DAB1: variants seen among roughly 807,000 people sequenced by gnomAD.
DAB1 encodes disabled homolog 1.
In DAB1, 15 loss-of-function variants were observed where a neutral mutation model predicts 64.6. The ratio of observed to expected loss-of-function variants is 0.23; its 90% confidence interval spans 0.16 to 0.36. The LOEUF (loss-of-function observed/expected upper bound fraction) is 0.36, where lower values mean the gene tolerates loss of function less well. Ranked by LOEUF, DAB1 falls within the 10% of genes least tolerant of loss-of-function variation. The pLI, the probability that DAB1 is intolerant of heterozygous loss-of-function variation, is 1.00. For synonymous variants in DAB1, 235 were observed against 251.9 expected (o/e 0.93, Z 0.64); for missense variants, 596 against 706.7 (o/e 0.84, Z 1.78).
chr1:58,069,271 C>T (rs1649074759), intron 5 of DAB1, among the ~76,000 whole-genome samples: 1 of 152,118 alleles, frequency 6.6e-6, no homozygotes, highest in Non-Finnish European at 1.5e-5. Context: ...AGGTGCTCAC[C>T]AAACTTACCC....
intron 5 of DAB1, among the ~76,000 whole-genome samples, chr1:58,067,813 T>C (rs974546311): frequency 2.0e-5 from 3 of 152,188 alleles, no homozygotes; most frequent in Non-Finnish European, 2.9e-5. Flanking sequence ...TGGGGGGTAA[T>C]GAGTGTTCCA....
chr1:58,307,388 G>A (rs1053900965), intron 4 of DAB1, among the ~76,000 whole-genome samples: 2 of 152,108 alleles, frequency 1.3e-5, no homozygotes, highest in Non-Finnish European at 2.9e-5. Context: ...GAGAGAGGTC[G>A]ACAGACATAG....
At chr1:58,407,938 A>C (rs2100569431) in intron 3 of DAB1, among the ~76,000 whole-genome samples, 1 of 152,216 alleles carries the variant, frequency 6.6e-6, no homozygotes, top group South Asian at 2.1e-4. Flanking sequence ...CCTGACTTGC[A>C]CTGGCTTCTT....
At chr1:58,393,287 G>C (rs1644491723) in intron 3 of DAB1, among the ~76,000 whole-genome samples, 1 of 152,052 alleles carries the variant, frequency 6.6e-6, no homozygotes, top group Non-Finnish European at 1.5e-5. Flanking sequence ...GCTACCAGCT[G>C]CAGATAATAC....
chr1:57,405,004 G>T (rs992787008), intron 1 of DAB1, among the ~76,000 whole-genome samples: 1 of 152,050 alleles, frequency 6.6e-6, no homozygotes, highest in African/African-American at 2.4e-5. Flanking sequence ...TCATGTTCTC[G>T]CTCTGGTTTG....
intron 7 of DAB1, among the ~76,000 whole-genome samples, chr1:57,626,266 C>G (rs1645922051): frequency 6.6e-6 from 1 of 152,138 alleles, no homozygotes; most frequent in African/African-American, 2.4e-5. Flanking sequence ...ATGGTCAGTG[C>G]TCTCTGGGCT....
intron 4 of DAB1, among the ~76,000 whole-genome samples, chr1:58,202,764 G>T (rs138983781): frequency 6.6e-6 from 1 of 152,058 alleles, no homozygotes; most frequent in Non-Finnish European, 1.5e-5. Context: ...TTGCTTTGTC[G>T]ATATGTGTAA....
At chr1:57,696,270 G>C (rs1441283162) in intron 6 of DAB1, among the ~76,000 whole-genome samples, 1 of 152,090 alleles carries the variant, frequency 6.6e-6, no homozygotes. Context: ...CGGGAAACAG[G>C]CCTGAGATGG....
intron 7 of DAB1, among the ~76,000 whole-genome samples, chr1:57,557,332 C>G (rs998888907): frequency 1.3e-5 from 2 of 152,078 alleles, no homozygotes; most frequent in Non-Finnish European, 2.9e-5. Context: ...CTCGGACTGG[C>G]TCTCCTTGCT....
chr1:57,150,918 G>A (rs558882425), intron 2 of DAB1, among the ~76,000 whole-genome samples: 1 of 152,124 alleles, frequency 6.6e-6, no homozygotes, highest in Non-Finnish European at 1.5e-5. Context: ...CACTTTGAGA[G>A]GCCAAGGAGG....
In DAB1 at chr1:58,133,236, A is replaced by G. The variant is rs534347284; in HGVS notation, n.387+17275T>C. Among the ~76,000 whole-genome samples the G allele has an allele frequency of 2.0e-5, 3 of 152,264 alleles. No individual in the cohort carries two copies. In the East Asian group the frequency reaches 5.8e-4, roughly 29 times the overall value. ...TGCATCTTATACCCCTGCCTAGTTA[A>G]CACTGTGCTATTTATGGTCTCTGTG... is the stretch of plus-strand genomic sequence containing the variant. On this transcript the variant is annotated intron_variant and non_coding_transcript_variant, in intron 5 of 20. Coordinates refer to the DAB1 transcript ENST00000485760.
intron 5 of DAB1, among the ~76,000 whole-genome samples, chr1:58,032,579 T>C (rs1536140): frequency 0.45 from 69,070 of 151,942 alleles, 15,991 homozygotes; most frequent in African/African-American, 0.51. Flanking sequence ...AATCCCCATG[T>C]CAGCCAGCAG....
chr1:57,179,501 G>C lies in DAB1; in HGVS notation c.68-34072C>G, dbSNP rs558132096. On this transcript the variant is annotated intron_variant, in intron 2 of 14. Transcript: ENST00000371236. ...TTAACATAACCCAATGAGAATTTAT[G>C]TCAGATGCACATTGTATATCTGTCC... Among the ~76,000 whole-genome samples, 7 of 152,310 alleles carry C rather than the reference G, an allele frequency of 4.6e-5. No homozygotes were observed. In the South Asian group the frequency reaches 1.4e-3, roughly 32 times the overall value.
At chr1:57,864,587 G>C (rs1430406286) in intron 1 of DAB1, 1 of 151,966 alleles carries the variant, frequency 6.6e-6, no homozygotes, top group Non-Finnish European at 1.5e-5. Flanking sequence ...CCAGCAGTAT[G>C]ATTGGGGGTA....
At chr1:57,471,190 A>G (rs1233915165) in intron 7 of DAB1, among the ~76,000 whole-genome samples, 1 of 152,206 alleles carries the variant, frequency 6.6e-6, no homozygotes, top group Non-Finnish European at 1.5e-5. Flanking sequence ...AACAAAGATC[A>G]GCAAGATAGC....
intron 4 of DAB1, among the ~76,000 whole-genome samples, chr1:58,205,622 T>C (rs371428838): frequency 1.3e-5 from 2 of 152,388 alleles, no homozygotes; most frequent in East Asian, 1.9e-4. Context: ...GACTCCTTTG[T>C]AGCCGAGTGC....
At chr1:57,916,943 CA>C (rs144859309) in intron 5 of DAB1, among the ~76,000 whole-genome samples, 22,874 of 135,380 alleles carry the variant, frequency 0.17, 1,854 homozygotes, top group Middle Eastern at 0.34. Flanking sequence ...AACTCTGTCT[CA>C]AAAAAAAAAA....
chr1:57,858,282 G>A (rs182566529), intron 1 of DAB1, among the ~76,000 whole-genome samples: 3 of 152,218 alleles, frequency 2.0e-5, no homozygotes, highest in African/African-American at 7.2e-5. Flanking sequence ...GGCTCCATAT[G>A]ATAAAATAGC....
intron 5 of DAB1, among the ~76,000 whole-genome samples, chr1:57,951,369 T>C (rs11588623): frequency 0.27 from 31,145 of 114,622 alleles, 6,545 homozygotes; most frequent in Non-Finnish European, 0.38. Flanking sequence ...ATGGATAATA[T>C]GGCTAGATAT....
Sources: allele counts gnomAD v4.1 joint callset (sites outside exome capture counted in the v4.1 genomes callset), GRCh38; gene constraint gnomAD v4.1.1; transcripts MANE v1.5; gene names NCBI Gene and HGNC (gene_info 2026-07-23, HGNC 2026-07-21).